Variants in FGD6 observed in about 807,000 individuals in gnomAD.
FGD6 encodes the protein FYVE, RhoGEF and PH domain containing 6, also known as FYVE, RhoGEF and PH domain-containing protein 6.
In FGD6, 90 loss-of-function variants were observed where a neutral mutation model predicts 149.4. The observed-to-expected ratio is 0.60, with a 90% confidence interval of 0.51 to 0.72. The LOEUF (loss-of-function observed/expected upper bound fraction) is 0.72. FGD6 is among the 30% of genes least tolerant of loss of function. FGD6 has a pLI of 0.00. For missense variants in FGD6, 1,437 were observed against 1,684.8 expected, an observed-to-expected ratio of 0.85 and a Z score of 2.57; for synonymous variants, 527 against 584.0, an observed-to-expected ratio of 0.90 and a Z score of 1.41.
At chr12:95,171,316 G>A (rs373287250) in intron 3 of FGD6, among the ~76,000 whole-genome samples, 7 of 152,106 alleles carry the variant, frequency 4.6e-5, no homozygotes, top group South Asian at 2.1e-4. Flanking sequence ...GGAATTAGGC[G>A]AAATTATGGC....
At chr12:95,096,106 TTGA>T (rs975144321) in intron 14 of FGD6, among the ~76,000 whole-genome samples, 41 of 152,196 alleles carry the variant, frequency 2.7e-4, no homozygotes, top group African/African-American at 9.7e-4. Flanking sequence ...TGGCAAAATC[TTGA>T]TGATTATTTT....
At chr12:95,127,124 T>A (rs938154809) in intron 8 of FGD6, among the ~76,000 whole-genome samples, 1 of 152,276 alleles carries the variant, frequency 6.6e-6, no homozygotes, top group East Asian at 1.9e-4. Flanking sequence ...CCCTACTTTT[T>A]TTTTTTTTTA....
Position 95,209,586 on chromosome 12 carries a change from C to T in FGD6, c.1698G>A (p.Val566=). 6.2e-7 allele frequency: 1 copy of T among 1,614,082 alleles called. No homozygotes were observed. Among genetic ancestry groups the T allele is most frequent in the Non-Finnish European group, 8.5e-7 (1 of 1,180,020 alleles). Residue 566 remains valine, a synonymous_variant, in exon 2 of 21, where the codon GTG becomes GTA. Transcript: ENST00000343958. ...GTAAAATAGGATGAGGTAACTTCCA[C>T]ACTGGCTTTTCTGAAGCCCGTTTAG... ...DMPKRASEKP[V]WKLPHPILPF...
rs189464867 is a variant in FGD6 at position 95,191,171 on chromosome 12, T to C, written c.2441+17672A>G. Among the ~76,000 whole-genome samples the C allele has an allele frequency of 2.6e-5, 4 of 152,360 alleles. No individual in the cohort carries two copies. In the East Asian group the frequency reaches 7.7e-4, roughly 29 times the overall value. On this transcript the variant is annotated intron_variant, in intron 2 of 20. Transcript: ENST00000343958. The stretch of plus-strand genomic sequence containing the variant: ...AAGAAACTGTCAAAACTGCTTTTGA[T>C]TGGCATGGGAATTTAGACTCCATGC...
intron 19 of FGD6, chr12:95,085,456 A>G: frequency 3.5e-6 from 1 of 289,638 alleles, no homozygotes; most frequent in Non-Finnish European, 6.3e-6. Flanking sequence ...ACCCCCACTC[A>G]GCCTCCCAAA....
chr12:95,165,243 G>A (rs1384309972), intron 3 of FGD6, among the ~76,000 whole-genome samples: 1 of 151,918 alleles, frequency 6.6e-6, no homozygotes, highest in East Asian at 1.9e-4. Context: ...GGGGTTCCAA[G>A]GCAAGTTACT....
At chr12:95,196,561 G>A (rs1304310280) in intron 2 of FGD6, among the ~76,000 whole-genome samples, 1 of 151,984 alleles carries the variant, frequency 6.6e-6, no homozygotes, top group African/African-American at 2.4e-5. Flanking sequence ...TCTATACTAT[G>A]ACTATGGCAT....
Position 95,091,700 on chromosome 12 carries a change from A to G in FGD6, c.3850+7T>C. 1 of 1,607,384 alleles carries G rather than the reference A, an allele frequency of 6.2e-7. No individual in the cohort carries two copies. The highest frequency in any genetic ancestry group is 1.7e-5 in the Admixed American group (1 of 59,370). On this transcript the variant is annotated splice_region_variant and intron_variant, in intron 17 of 20. Transcript: ENST00000343958. Reference sequence around the variant, plus strand: ...AATTTTTGGTTAAATCCTTACTTATATATTACCTAATTTCTGCAGTTCTTG... The same window carrying G: ...AATTTTTGGTTAAATCCTTACTTATGTATTACCTAATTTCTGCAGTTCTTG...
chr12:95,140,864 G>A (rs1042980580), intron 6 of FGD6, among the ~76,000 whole-genome samples: 8 of 152,280 alleles, frequency 5.3e-5, no homozygotes, highest in South Asian at 2.1e-4. Context: ...GCAGGATTAC[G>A]AAAGATTTGT....
intron 2 of FGD6, among the ~76,000 whole-genome samples, chr12:95,196,509 C>T (rs773272124): frequency 7.2e-5 from 11 of 152,046 alleles, no homozygotes; most frequent in Non-Finnish European, 1.2e-4. Flanking sequence ...GGATTACAGG[C>T]GTGAGCCACT....
At chr12:95,102,443 C>CAAAAAAAAAAAAAAAAAAA in intron 14 of FGD6, among the ~76,000 whole-genome samples, 1 of 104,262 alleles carries the variant, frequency 9.6e-6, no homozygotes, top group Non-Finnish European at 1.9e-5. Flanking sequence ...GACCCTTTCT[C>CAAAAAAAAAAAAAAAAAAA]AAAAAAAAAA....
chr12:95,130,292 G>T lies in FGD6; in HGVS notation c.3082+4447C>A, dbSNP rs565548140. On this transcript the variant is annotated intron_variant, in intron 8 of 20. Transcript: ENST00000343958. ...GAAACCATCTTATCTTATCATCTAT[G>T]CATATCTCAGTGGGAGGCACAAACC... 2.6e-5 allele frequency among the ~76,000 whole-genome samples: 4 copies of T among 152,184 alleles called. No homozygotes were observed. In the East Asian group the frequency reaches 7.7e-4, roughly 29 times the overall value.
intron 2 of FGD6, among the ~76,000 whole-genome samples, chr12:95,196,803 C>T (rs1225675952): frequency 1.3e-5 from 2 of 151,358 alleles, no homozygotes. Flanking sequence ...CCATGCCTGG[C>T]TAATTTTTAA....
chr12:95,086,536 CTTTTTTTTTT>C (rs1010739533), intron 18 of FGD6, among the ~76,000 whole-genome samples: 1,676 of 105,746 alleles, frequency 0.016, 36 homozygotes, highest in African/African-American at 0.056. Flanking sequence ...TTTTTTTTTT[CTTTTTTTTTT>C]TTTTTTTTTT....
At chr12:95,146,492 T>A (rs969474427) in intron 5 of FGD6, among the ~76,000 whole-genome samples, 3 of 152,174 alleles carry the variant, frequency 2.0e-5, no homozygotes, top group African/African-American at 7.2e-5. Flanking sequence ...GTTTAATTTT[T>A]CACACTGGAA....
intron 1 of FGD6, among the ~76,000 whole-genome samples, chr12:95,211,542 C>T (rs1415944922): frequency 1.4e-5 from 2 of 142,390 alleles, no homozygotes; most frequent in African/African-American, 2.6e-5. Context: ...TCTTTTTCTT[C>T]TTTTTTTTTT....
intron 2 of FGD6, among the ~76,000 whole-genome samples, chr12:95,184,741 C>T (rs1592867623): frequency 1.3e-5 from 2 of 151,924 alleles, no homozygotes; most frequent in Non-Finnish European, 2.9e-5. Context: ...ACCACCAAGC[C>T]CAACTAATTT....
intron 14 of FGD6, among the ~76,000 whole-genome samples, chr12:95,102,890 C>G (rs1878496008): frequency 2.0e-5 from 3 of 152,154 alleles, no homozygotes; most frequent in African/African-American, 7.2e-5. Context: ...CTCCATTTTT[C>G]TAATCTGGAA....
At chr12:95,204,495 C>T (rs2056683453) in intron 2 of FGD6, among the ~76,000 whole-genome samples, 1 of 152,160 alleles carries the variant, frequency 6.6e-6, no homozygotes, top group African/African-American at 2.4e-5. Flanking sequence ...CACTACCCTA[C>T]CCTTCCCCCT....
Sources: gnomAD v4.1 joint callset for allele counts (sites outside exome capture counted in the v4.1 genomes callset) on GRCh38, gnomAD v4.1.1 for gene constraint, MANE v1.5 for transcripts, NCBI Gene and HGNC (gene_info 2026-07-23, HGNC 2026-07-21) for gene names.